PIR: variants seen among roughly 807,000 people sequenced by gnomAD.
PIR encodes pirin.
PIR carries 22 observed loss-of-function variants against 24.2 expected under a neutral mutation model. The observed-to-expected ratio is 0.91, with a 90% confidence interval of 0.65 to 1.30. The LOEUF is 1.30. PIR is among the 50% of genes most tolerant of loss of function. The probability of loss-of-function intolerance (pLI) is 0.00; values close to 1 mark genes in which losing one functional copy is unlikely to be tolerated. For synonymous variants in PIR, 80 were observed against 79.6 expected, an observed-to-expected ratio of 1.00 and a Z score of -0.03; for missense variants, 220 against 220.3, an observed-to-expected ratio of 1.00 and a Z score of 0.01.
chrX:15,397,672 G>T, intron 7 of PIR, 141 bp from the exon 8 acceptor site: 2 of 423,049 alleles, frequency 4.7e-6, no homozygotes, highest in African/African-American at 2.5e-5. Context: ...TGAATCTCTT[G>T]GTTAATTATA....
At chrX:15,404,584 G>A (rs1230282366) in intron 7 of PIR, among the ~76,000 whole-genome samples, 2 of 112,189 alleles carry the variant, frequency 1.8e-5, no homozygotes, top group African/African-American at 3.2e-5. Flanking sequence ...TCTGTGGTTC[G>A]TTGGTGCCAA....
rs190117000 is a variant in PIR at position 15,462,980 on chromosome X, G to A, written c.190-3240C>T. 8.9e-4 allele frequency among the ~76,000 whole-genome samples: 99 copies of A among 111,821 alleles called. 1 individual carries two copies. Among genetic ancestry groups the A allele is most frequent in the African/African-American group, 2.9e-3 (90 of 30,777 alleles). On this transcript the variant is annotated intron_variant, in intron 3 of 9. Transcript: ENST00000380420. Reference sequence around the variant, plus strand: ...TCATGAGGAAGACATATAGTAAGTAGGACTGGTAGAGTTGAAAGTAGAAAT... The same window carrying A: ...TCATGAGGAAGACATATAGTAAGTAAGACTGGTAGAGTTGAAAGTAGAAAT...
intron 2 of PIR, among the ~76,000 whole-genome samples, chrX:15,490,288 C>T (rs1923085721): frequency 8.9e-6 from 1 of 111,809 alleles, no homozygotes; most frequent in African/African-American, 3.3e-5. Flanking sequence ...CCTATAAATA[C>T]ATTTCAAAGA....
chrX:15,433,259 AC>A (rs1472278356), intron 5 of PIR, among the ~76,000 whole-genome samples: 5 of 110,969 alleles, frequency 4.5e-5, no homozygotes, highest in Non-Finnish European at 9.4e-5. Context: ...GATCCAGGGA[AC>A]TAAAGTGTTT....
chrX:15,426,077 A>G (rs1333293083), intron 5 of PIR, 87 bp from the exon 6 acceptor site: 2 of 569,328 alleles, frequency 3.5e-6, no homozygotes, highest in East Asian at 6.7e-5. Flanking sequence ...ATAGGCCTGG[A>G]CCTGGATCCA....
chrX:15,425,690 G>A (rs1056449534), intron 6 of PIR, among the ~76,000 whole-genome samples: 1 of 111,968 alleles, frequency 8.9e-6, no homozygotes, highest in Non-Finnish European at 1.9e-5. Context: ...GATTACTGGC[G>A]TGAGCCACCG....
intron 6 of PIR, among the ~76,000 whole-genome samples, chrX:15,416,308 GA>G (rs1924914580): frequency 8.9e-6 from 1 of 111,794 alleles, no homozygotes; most frequent in South Asian, 3.7e-4. Context: ...TGCGTTCTAT[GA>G]AAAGACTCAA....
intron 7 of PIR, among the ~76,000 whole-genome samples, chrX:15,398,185 G>C (rs61682103): frequency 9.2e-6 from 1 of 108,391 alleles, no homozygotes; most frequent in Non-Finnish European, 1.9e-5. Flanking sequence ...AACATGGCAC[G>C]TGTATACCTA....
At chrX:15,437,826 C>G (rs1042206243) in intron 5 of PIR, among the ~76,000 whole-genome samples, 1 of 112,427 alleles carries the variant, frequency 8.9e-6, no homozygotes, top group Non-Finnish European at 1.9e-5. Flanking sequence ...ACATGTAAGC[C>G]TCCTCTCTGA....
chrX:15,466,715 G>A (rs1353760967), intron 3 of PIR, among the ~76,000 whole-genome samples: 1 of 111,643 alleles, frequency 9.0e-6, no homozygotes, highest in Non-Finnish European at 1.9e-5. Context: ...CCACAGCTCC[G>A]TGGGCAGAGA....
intron 3 of PIR, among the ~76,000 whole-genome samples, chrX:15,470,062 T>C (rs1471489435): frequency 9.0e-6 from 1 of 111,528 alleles, no homozygotes; most frequent in African/African-American, 3.3e-5. Flanking sequence ...ATCAGATATA[T>C]AGAAAGGGAA....
chrX:15,447,313 G>GTTT (rs57685043), intron 5 of PIR, among the ~76,000 whole-genome samples: 1 of 104,872 alleles, frequency 9.5e-6, no homozygotes, highest in Non-Finnish European at 2.0e-5. Context: ...TGGTTTTTTG[G>GTTT]TTTTTTTTTT....
rs1924569328 is a variant in PIR at position 15,406,999 on chromosome X, A to G, written c.610+507T>C. Among the ~76,000 whole-genome samples the G allele has an allele frequency of 2.7e-5, 3 of 112,330 alleles. 1 individual carries two copies. In the South Asian group the frequency reaches 1.1e-3, roughly 42 times the overall value. ...TAGATTTCACGTTCCTCATCTATAA[A>G]ATGAGCATTGGTTAGGTCTCAAACA... On this transcript the variant is annotated intron_variant, in intron 7 of 9. Transcript: ENST00000380420.
intron 9 of PIR, among the ~76,000 whole-genome samples, chrX:15,387,787 G>C (rs1364654935): frequency 9.0e-6 from 1 of 111,444 alleles, no homozygotes; most frequent in Non-Finnish European, 1.9e-5. Context: ...CTTCCATTTT[G>C]ACACTTTCTG....
At chrX:15,425,437 AG>A (rs1327575985) in intron 6 of PIR, among the ~76,000 whole-genome samples, 2 of 81,254 alleles carry the variant, frequency 2.5e-5, no homozygotes, top group Non-Finnish European at 4.4e-5. Flanking sequence ...TTTGAGATGG[AG>A]TCTCGCTGTG....
rs188230184 is a variant in PIR at position 15,406,257 on chromosome X, T to C, written c.610+1249A>G. On this transcript the variant is annotated intron_variant, in intron 7 of 9. Transcript: ENST00000380420. ...AGGAGAAAACGAGGGGCTGGTTCTC[T>C]GAGCTGTCTCAGAAGTATAACTGGA... Among the ~76,000 whole-genome samples, 16 of 112,556 alleles carry C rather than the reference T, an allele frequency of 1.4e-4. No homozygotes were observed. In the East Asian group the frequency reaches 3.9e-3, roughly 28 times the overall value.
At chrX:15,397,373 C>T (rs764617330) in intron 8 of PIR, 76 bp downstream of exon 8, 6 of 684,405 alleles carry the variant, frequency 8.8e-6, no homozygotes, top group Non-Finnish European at 1.4e-5. Flanking sequence ...TTCAGTTATC[C>T]ACAACATTTA....
rs377337256 is a variant in PIR at position 15,399,216 on chromosome X, T to C, written c.611-1685A>G. ...TGGGATGTAAATAAGGGCATTCATG[T>C]GACAAGTTGGAGCTGAATAATCAAT... is the stretch of plus-strand genomic sequence containing the variant. On this transcript the variant is annotated intron_variant, in intron 7 of 9. Transcript: ENST00000380420. 9.0e-4 allele frequency among the ~76,000 whole-genome samples: 101 copies of C among 112,607 alleles called. 1 individual carries two copies. The highest frequency in any genetic ancestry group is 3.2e-3 in the African/African-American group (98 of 31,008).
intron 5 of PIR, among the ~76,000 whole-genome samples, chrX:15,439,198 T>C (rs1308027917): frequency 8.9e-6 from 1 of 112,187 alleles, no homozygotes; most frequent in Non-Finnish European, 1.9e-5. Context: ...AACTTCACTG[T>C]CCAATACAGT....
Sources: gnomAD v4.1 joint callset for allele counts (sites outside exome capture counted in the v4.1 genomes callset) on GRCh38, gnomAD v4.1.1 for gene constraint, MANE v1.5 for transcripts, NCBI Gene and HGNC (gene_info 2026-07-23, HGNC 2026-07-21) for gene names.